LARS2: variants seen among roughly 807,000 people sequenced by gnomAD.
The protein encoded by LARS2 is leucyl-tRNA synthetase 2, mitochondrial, also known as leucine--tRNA ligase, mitochondrial.
LARS2 carries 81 observed loss-of-function variants against 116.6 expected under a neutral mutation model. The ratio of observed to expected loss-of-function variants is 0.69; its 90% CI spans 0.58 to 0.84. The LOEUF (loss-of-function observed/expected upper bound fraction) is 0.84, where lower values mean the gene tolerates loss of function less well. Ranked by LOEUF, LARS2 falls within the 40% of genes least tolerant of loss-of-function variation. The pLI is 0.00. For missense variants in LARS2, 968 were observed against 1,114.5 expected, an observed-to-expected ratio of 0.87 and a Z score of 1.87; for synonymous variants, 396 against 407.2, an observed-to-expected ratio of 0.97 and a Z score of 0.33.
Position 45,476,543 on chromosome 3 carries a change from G to C in LARS2, c.934G>C (p.Val312Leu), listed in dbSNP as rs765029432. 1 of 1,614,040 alleles carries C rather than the reference G, an allele frequency of 6.2e-7. No individual in the cohort carries two copies. Among genetic ancestry groups the C allele is most frequent in the African/African-American group, 1.3e-5 (1 of 74,912 alleles). ...TGAAGCCATTTATGGCACCTCCCAC[G>C]TGGCCATCTCGCCCAGCCACAGACT... ...TPEAIYGTSH[V>L]AISPSHRLLH... is the part of the protein sequence containing the mutation. The change falls in exon 10 of 22, where the codon GTG becomes CTG. Residue 312 changes from valine to leucine, a missense_variant. By Grantham distance (32) the Val-to-Leu change is conservative (BLOSUM62 1). Coordinates refer to ENST00000645846, the MANE Select transcript of LARS2 (RefSeq NM_015340.4).
intron 15 of LARS2, among the ~76,000 whole-genome samples, chr3:45,511,771 A>ATTTT (rs67171643): frequency 2.5e-4 from 22 of 86,636 alleles, no homozygotes; most frequent in African/African-American, 6.1e-4. Flanking sequence ...AATGCTGCTG[A>ATTTT]TTTTTTTTTT....
At chr3:45,445,572 C>T (rs1409273265) in intron 6 of LARS2, among the ~76,000 whole-genome samples, 1 of 152,210 alleles carries the variant, frequency 6.6e-6, no homozygotes, top group African/African-American at 2.4e-5. Context: ...GTTGTGGAAG[C>T]TGGCCTAGGT....
chr3:45,423,514 T>C (rs913101408), intron 6 of LARS2, among the ~76,000 whole-genome samples: 2 of 152,166 alleles, frequency 1.3e-5, no homozygotes, highest in African/African-American at 4.8e-5. Context: ...GTTCTGCCCA[T>C]GTTGTCCAGA....
Position 45,439,218 on chromosome 3 carries a change from T to TTC in LARS2, c.517-7672_517-7671insCT, listed in dbSNP as rs1442812671. ...GCTGTCAGAAACTCTGGCTTTTTTTTTTTTTTTTTTTTTTTTTTTTTGAGA... is the reference window on the plus strand; with the variant it reads ...GCTGTCAGAAACTCTGGCTTTTTTTTTCTTTTTTTTTTTTTTTTTTTTTGAGA... On this transcript the variant is annotated intron_variant, in intron 6 of 21. Coordinates refer to ENST00000645846, the MANE Select transcript of LARS2 (RefSeq NM_015340.4). Among the ~76,000 whole-genome samples, 7 of 90,632 alleles carry TTC rather than the reference T, an allele frequency of 7.7e-5. No homozygotes were observed. The East Asian group carries it at 1.8e-3, about 23-fold the overall frequency. The allele number at this position is 90,632 out of a possible 152,430, so 59.5% of individuals were successfully genotyped here. A position where few individuals can be genotyped will look rare whatever the true frequency, so the allele number is the denominator to read the frequency against.
chr3:45,452,450 A>T (rs1345098680), intron 7 of LARS2, among the ~76,000 whole-genome samples: 1 of 151,650 alleles, frequency 6.6e-6, no homozygotes, highest in South Asian at 2.1e-4. Flanking sequence ...TATGGAAATT[A>T]TGTGTTTTGG....
intron 3 of LARS2, among the ~76,000 whole-genome samples, chr3:45,398,805 G>C (rs1379445548): frequency 6.6e-6 from 1 of 152,146 alleles, no homozygotes; most frequent in African/African-American, 2.4e-5. Context: ...CTGGCACTGG[G>C]GGCAGACGTG....
In LARS2 at chr3:45,513,170, T is replaced by C; in HGVS notation, c.1796T>C (p.Ile599Thr). ...CATAAGCTGCTGGCCCAAGGCCTTA[T>C]CAAGGGGCAGACATTCCGCCTACCA... ...PFHKLLAQGL[I>T]KGQTFRLPSG... is the part of the protein sequence containing the mutation. Residue 599 changes from isoleucine (I) to threonine (T), a missense_variant, in exon 16 of 22, where the codon ATC (isoleucine) becomes ACC (threonine). Transcript: ENST00000645846. The C allele has an allele frequency of 6.2e-7, 1 of 1,613,918 alleles. No individual in the cohort carries two copies. The highest frequency in any genetic ancestry group is 2.2e-5 in the East Asian group (1 of 44,872).
At chr3:45,493,138 C>T (rs575244094) in intron 13 of LARS2, among the ~76,000 whole-genome samples, 4 of 151,786 alleles carry the variant, frequency 2.6e-5, no homozygotes, top group South Asian at 2.1e-4. Flanking sequence ...CTCGCTCTGT[C>T]GCCCAGGCTG....
intron 6 of LARS2, among the ~76,000 whole-genome samples, chr3:45,446,648 A>C (rs750201130): frequency 2.0e-5 from 3 of 152,204 alleles, no homozygotes; most frequent in Non-Finnish European, 4.4e-5. Flanking sequence ...GAGGTGTGCA[A>C]AAGACTTGAA....
intron 11 of LARS2, among the ~76,000 whole-genome samples, chr3:45,488,206 G>A (rs777938258): frequency 2.0e-4 from 30 of 152,090 alleles, no homozygotes; most frequent in Non-Finnish European, 3.5e-4. Context: ...GGGTGAGGTG[G>A]GCGATCACTT....
At chr3:45,493,521 A>G (rs1413001929) in intron 13 of LARS2, among the ~76,000 whole-genome samples, 1 of 152,102 alleles carries the variant, frequency 6.6e-6, no homozygotes. Context: ...CTTACCCTTG[A>G]ACTACAAGAC....
intron 12 of LARS2, 149 bp downstream of exon 12, chr3:45,488,961 T>C (rs1699865791): frequency 1.6e-6 from 1 of 634,854 alleles, no homozygotes; most frequent in Non-Finnish European, 2.9e-6. Flanking sequence ...CAAAATAATA[T>C]TCTTCAAGAT....
At chr3:45,492,303 C>T (rs576517592) in intron 13 of LARS2, among the ~76,000 whole-genome samples, 1 of 152,254 alleles carries the variant, frequency 6.6e-6, no homozygotes, top group Admixed American at 6.5e-5. Flanking sequence ...ACCATGGTTC[C>T]TTTCTCCTCA....
chr3:45,416,429 G>A (rs1038029656), intron 4 of LARS2, among the ~76,000 whole-genome samples: 2 of 152,166 alleles, frequency 1.3e-5, no homozygotes, highest in Admixed American at 6.5e-5. Context: ...AAGAGGGACT[G>A]TGTGCCGGAT....
intron 6 of LARS2, among the ~76,000 whole-genome samples, chr3:45,433,439 G>A (rs1177527620): frequency 6.6e-6 from 1 of 151,964 alleles, no homozygotes; most frequent in Admixed American, 6.6e-5. Context: ...TTGCTTAGGT[G>A]TTATGTTATA....
In LARS2 at chr3:45,497,295, GC is replaced by G. The variant is rs1206793994; in HGVS notation, c.1622+930del. On this transcript the variant is annotated intron_variant, in intron 14 of 21. Transcript: ENST00000645846. ...GTATTCATGTGTTTATTTGAACCCC[GC>G]CCCCCCCAAAAAAAGAAACAAATTA... Among the ~76,000 whole-genome samples the G allele has an allele frequency of 5.4e-5, 8 of 148,352 alleles. No homozygotes were observed. The East Asian group carries it at 9.9e-4, about 18-fold the overall frequency.
rs1575232452 is a variant in LARS2, at chr3:45,405,132, T to C, written c.363+4759T>C. Among the ~76,000 whole-genome samples, 4 of 120,486 alleles carry C rather than the reference T, an allele frequency of 3.3e-5. No individual in the cohort carries two copies. The East Asian group carries it at 8.0e-4, about 24-fold the overall frequency. The allele number at this position is 120,486 out of a possible 152,430, so 79.0% of individuals were successfully genotyped here. On this transcript the variant is annotated intron_variant, in intron 4 of 21. Transcript: ENST00000645846. ...TCAAGTTTTTTTTTTTTCTTTTTCT[T>C]TATACAAGATGGGGTCTCACTATGT...
chr3:45,514,568 G>A (rs1319579920), intron 16 of LARS2, among the ~76,000 whole-genome samples: 2 of 152,152 alleles, frequency 1.3e-5, no homozygotes, highest in African/African-American at 4.8e-5. Flanking sequence ...TTAGTGAAGT[G>A]TTCTCTGTAA....
intron 21 of LARS2, among the ~76,000 whole-genome samples, chr3:45,543,470 TA>T (rs1205801535): frequency 1.3e-5 from 2 of 150,108 alleles, no homozygotes; most frequent in African/African-American, 4.9e-5. Flanking sequence ...TTTATTTTTT[TA>T]TTTTTTTTTT....
Sources: gnomAD v4.1 joint callset for allele counts (sites outside exome capture counted in the v4.1 genomes callset) on GRCh38, gnomAD v4.1.1 for gene constraint, MANE v1.5 for transcripts, NCBI Gene and HGNC (gene_info 2026-07-23, HGNC 2026-07-21) for gene names.